The following COMP variants were observed in gnomAD, a reference collection of about 807,000 sequenced individuals.
The protein encoded by COMP is cartilage oligomeric matrix protein (pseudoachondroplasia, epiphyseal dysplasia 1, multiple).
COMP carries 79 observed loss-of-function variants against 95.8 expected under a neutral mutation model. The ratio of observed to expected loss-of-function variants is 0.82; its 90% CI spans 0.69 to 0.99. The LOEUF (loss-of-function observed/expected upper bound fraction) is 0.99, where lower values mean the gene tolerates loss of function less well. Among genes scored for constraint, COMP ranks in the 50% least tolerant of loss-of-function variants. The pLI, the probability that COMP is intolerant of heterozygous loss-of-function variation, is 0.00. For synonymous variants in COMP, 438 were observed against 433.9 expected (o/e 1.01, Z -0.12); for missense variants, 906 against 1,076.1 (o/e 0.84, Z 2.21).
At chr19:18,783,489 G>T (rs1343294042) in intron 17 of COMP, among the ~76,000 whole-genome samples, 1 of 152,188 alleles carries the variant, frequency 6.6e-6, no homozygotes, top group Non-Finnish European at 1.5e-5. Flanking sequence ...CCTGGCCAGG[G>T]TCTCGCTCTG....
In COMP at chr19:18,782,893, C is replaced by T. The variant is rs768596038; in HGVS notation, c.*22G>A. 57 of 1,609,562 alleles carry T rather than the reference C, an allele frequency of 3.5e-5. No individual in the cohort carries two copies. Among genetic ancestry groups the T allele is most frequent in the South Asian group, 6.6e-5 (6 of 91,030 alleles). On this transcript the variant is annotated 3_prime_UTR_variant, in exon 19 of 19. Transcript: ENST00000222271. ...AGCCGCGGTGAGGGTGGCTGTCATC[C>T]GGCGGGTCCTCACCCTGGTCCCTAG...
chr19:18,787,677 A>T, intron 9 of COMP, 27 bp from the exon 10 acceptor site: 1 of 1,612,228 alleles, frequency 6.2e-7, no homozygotes, highest in South Asian at 1.1e-5. Context: ...GTTAAGGGTG[A>T]GATCAGGTCG....
intron 12 of COMP, 39 bp from the exon 13 acceptor site, chr19:18,786,185 C>A: frequency 6.2e-7 from 1 of 1,614,122 alleles, no homozygotes; most frequent in Non-Finnish European, 8.5e-7. Context: ...AATGAGCTCT[C>A]CAGAGCGTTT....
In COMP at chr19:18,789,088, G is replaced by T; in HGVS notation, c.528+72C>A. 1 of 1,559,978 alleles carries T rather than the reference G, an allele frequency of 6.4e-7. No individual in the cohort carries two copies. The highest frequency in any genetic ancestry group is 8.7e-7 in the Non-Finnish European group (1 of 1,154,380). ...CTCCCGCTGGAAGGAGGCTGGAAGAGGAGTTTACTGGTAAACAAAATGGAC... is the reference window on the plus strand; with the variant it reads ...CTCCCGCTGGAAGGAGGCTGGAAGATGAGTTTACTGGTAAACAAAATGGAC... On this transcript the variant is annotated intron_variant, in intron 5 of 18. Transcript: ENST00000222271. The surrounding 1 kb of genome is among the most constrained non-coding windows in gnomAD (Gnocchi z 6.1).
rs141422555 is a variant in COMP, at chr19:18,789,937, C to T, written c.390+5G>A. On this transcript the variant is annotated splice_donor_5th_base_variant and intron_variant, in intron 4 of 18. Coordinates refer to ENST00000222271, the MANE Select transcript of COMP (RefSeq NM_000095.3). The surrounding 1 kb of genome is among the most constrained non-coding windows in gnomAD (Gnocchi z 6.1). ...CAGGGCGGTGGAGTGTCGGGGCTAG[C>T]GCACCTCGTTGACGTCGGTGCAGTG... 1.4e-5 allele frequency: 23 copies of T among 1,592,274 alleles called. No homozygotes were observed. The highest frequency in any genetic ancestry group is 1.8e-5 in the Non-Finnish European group (21 of 1,177,626).
intron 10 of COMP, 95 bp downstream of exon 10, chr19:18,787,396 C>T: frequency 6.4e-7 from 1 of 1,567,886 alleles, no homozygotes; most frequent in East Asian, 2.3e-5. Context: ...TTACCCCATC[C>T]GGCTTCCAAA....
rs751860122 is a variant in COMP, at chr19:18,786,540, G to C, written c.1246C>G (p.Pro416Ala). The C allele has an allele frequency of 6.2e-7, 1 of 1,613,676 alleles. No homozygotes were observed. Among genetic ancestry groups the C allele is most frequent in the African/African-American group, 1.3e-5 (1 of 74,872 alleles). Residue 416 changes from proline to alanine, a missense_variant, in exon 11 of 19, where the codon CCG (proline) becomes GCG (alanine). Pro to Ala is a conservative substitution (Grantham distance 27). Transcript: ENST00000222271. ...GTCTGGCCTGCCCTCACCTGATCCG[G>C]GTTGCTCTTCTGGGGACAGTTGTCA... ...ACDNCPQKSN[P>A]DQADVDHDFV...
At position 18,789,054 on chromosome 19, in the gene COMP, T is replaced by G; in HGVS notation, c.528+106A>C. Reference sequence around the variant, plus strand: ...GCCCTGGCGCAGCGGACCCCTCCTCTCCCCACCCCTCCCGCTGGAAGGAGG... The same window carrying G: ...GCCCTGGCGCAGCGGACCCCTCCTCGCCCCACCCCTCCCGCTGGAAGGAGG... On this transcript the variant is annotated intron_variant, in intron 5 of 18. Coordinates refer to ENST00000222271, the MANE Select transcript of COMP (RefSeq NM_000095.3). This position sits in a 1 kb window ranked among gnomAD's most constrained non-coding sequence, Gnocchi z 6.1. 6.5e-7 allele frequency: 1 copy of G among 1,538,694 alleles called. No individual in the cohort carries two copies. The highest frequency in any genetic ancestry group is 2.3e-5 in the East Asian group (1 of 42,830).
At position 18,789,182 on chromosome 19, in the gene COMP, G is replaced by T; in HGVS notation, c.506C>A (p.Ala169Asp). Residue 169 changes from alanine (A) to aspartate (D), a missense_variant, in exon 5 of 19, where the codon GCT (alanine) becomes GAT (aspartate). Physicochemically the swap from Ala to Asp is moderately radical, Grantham distance 126. Coordinates refer to ENST00000222271, the MANE Select transcript of COMP (RefSeq NM_000095.3). The surrounding 1 kb of genome is among the most constrained non-coding windows in gnomAD (Gnocchi z 6.1). ...CACCTGCTTGTTGGCCTTGGCGAAA[G>T]CCAGCCCCACGCCCTGGTGGGTGGG... ...SGPTHQGVGL[A>D]FAKANKQVCT... 3 of 1,579,232 alleles carry T rather than the reference G, an allele frequency of 1.9e-6. No individual in the cohort carries two copies. Among genetic ancestry groups the T allele is most frequent in the Non-Finnish European group, 2.6e-6 (3 of 1,167,254 alleles).
intron 17 of COMP, among the ~76,000 whole-genome samples, chr19:18,783,758 C>T (rs988431822): frequency 3.9e-5 from 6 of 152,056 alleles, no homozygotes; most frequent in East Asian, 1.9e-4. Flanking sequence ...GACAGGGCCC[C>T]GCCACCACAC....
rs761081987 is a variant in COMP at position 18,783,063 on chromosome 19, G to A, written c.2218C>T (p.Arg740Cys). 8.7e-6 allele frequency: 14 copies of A among 1,612,122 alleles called. No homozygotes were observed. Among genetic ancestry groups the A allele is most frequent in the Admixed American group, 3.3e-5 (2 of 60,008 alleles). The change falls in exon 18 of 19, where the codon CGC (arginine) becomes TGC (cysteine). Residue 740 changes from arginine (R) to cysteine (C), a missense_variant. Coordinates refer to ENST00000222271, the MANE Select transcript of COMP (RefSeq NM_000095.3). ...CTGGCCCTCGGCTCACCATTGCAGC[G>A]GTAACGCAGGTTGGCCCAGATGATG... is the stretch of plus-strand genomic sequence containing the variant. ...ENIIWANLRYRCNDTIPEDYE... is the reference protein window; with the variant it reads ...ENIIWANLRYCCNDTIPEDYE...
At position 18,789,182 on chromosome 19, in the gene COMP, GC is replaced by G; in HGVS notation, c.505del (p.Ala169LeufsTer77). Reference protein sequence around the residue: ...SGPTHQGVGLAFAKANKQVCT... With the variant: ...SGPTHQGVGLXFAKANKQVCT... ...CACCTGCTTGTTGGCCTTGGCGAAA[GC>G]CAGCCCCACGCCCTGGTGGGTGGGG... On this transcript the variant is annotated frameshift_variant, in exon 5 of 19. Coordinates refer to ENST00000222271, the MANE Select transcript of COMP (RefSeq NM_000095.3). LOFTEE classifies it high-confidence loss of function. This position sits in a 1 kb window ranked among gnomAD's most constrained non-coding sequence, Gnocchi z 6.1. 6.3e-7 allele frequency: 1 copy of G among 1,579,230 alleles called. No homozygotes were observed.
chr19:18,786,201 A>G (rs753124522), intron 12 of COMP, 38 bp downstream of exon 12: 1 of 1,614,156 alleles, frequency 6.2e-7, no homozygotes. Context: ...CGTTTTGTCA[A>G]AGGCTACCCG....
At chr19:18,790,791 G>T in intron 2 of COMP, 59 bp downstream of exon 2, 2 of 1,569,080 alleles carry the variant, frequency 1.3e-6, no homozygotes, top group Non-Finnish European at 1.7e-6. Context: ...TCTCCTCGCT[G>T]GGAACTGAGA....
In COMP at chr19:18,788,700, C is replaced by A. The variant is rs749271182; in HGVS notation, c.654G>T (p.Ala218=). The change falls in exon 7 of 19, where the codon GCG becomes GCT. Residue 218 remains alanine, a synonymous_variant. Transcript: ENST00000222271. The surrounding 1 kb of genome is among the most constrained non-coding windows in gnomAD (Gnocchi z 4.7). The stretch of plus-strand genomic sequence containing the variant: ...GCTGTGCGCGCCGCTGGCAGCCGGA[C>A]GCCTGGTCGCCCACGAAGCCGGGCT... The part of the protein sequence containing the change: ...PCQPGFVGDQ[A]SGCQRRAQRF... 1.2e-5 allele frequency: 18 copies of A among 1,540,938 alleles called. No individual in the cohort carries two copies. The highest frequency in any genetic ancestry group is 1.6e-5 in the Non-Finnish European group (18 of 1,144,730).
In COMP at chr19:18,789,782, G is replaced by T. The variant is rs551090689; in HGVS notation, c.390+160C>A. The stretch of plus-strand genomic sequence containing the variant: ...GACGGGGATGGTCCTTGGGTTGGGC[G>T]TCCCCCCGCGGTAAGGAGGTAGTCT... On this transcript the variant is annotated intron_variant, in intron 4 of 18. Transcript: ENST00000222271. The surrounding 1 kb of genome is among the most constrained non-coding windows in gnomAD (Gnocchi z 6.1). 6.6e-6 allele frequency among the ~76,000 whole-genome samples: 1 copy of T among 152,098 alleles called. No homozygotes were observed. Among genetic ancestry groups the T allele is most frequent in the African/African-American group, 2.4e-5 (1 of 41,518 alleles).
Position 18,786,179 on chromosome 19 carries a change from A to G in COMP, c.1308-33T>C, listed in dbSNP as rs1401884173. On this transcript the variant is annotated intron_variant, in intron 12 of 18. Transcript: ENST00000222271. ...GGATAGGTGGGATCCAGAGACAATG[A>G]GCTCTCCAGAGCGTTTTGTCAAAGG... The G allele has an allele frequency of 3.1e-6, 5 of 1,613,964 alleles. No homozygotes were observed. In the African/African-American group the frequency reaches 5.3e-5, roughly 17 times the overall value.
In COMP at chr19:18,788,110, G is replaced by A. The variant is rs1469769058; in HGVS notation, c.975+102C>T. ...GTAGAGGAGGGGTTTCACCATGATG[G>A]CCAGGATGGTCTCCATCTCTTGACC... On this transcript the variant is annotated intron_variant, in intron 9 of 18. Transcript: ENST00000222271. This position sits in a 1 kb window ranked among gnomAD's most constrained non-coding sequence, Gnocchi z 4.7. The A allele has an allele frequency of 2.1e-6, 2 of 944,568 alleles. No individual in the cohort carries two copies. Among genetic ancestry groups the A allele is most frequent in the African/African-American group, 3.2e-5 (2 of 61,872 alleles). The allele number at this position is 944,568 out of a possible 1,614,324, so 58.5% of individuals were successfully genotyped here.
chr19:18,787,377 T>C, intron 10 of COMP, 114 bp downstream of exon 10: 1 of 1,489,992 alleles, frequency 6.7e-7, no homozygotes, highest in Non-Finnish European at 9.2e-7. Flanking sequence ...CAGGGCGCCC[T>C]AGTCCAGCTT....
Sources: gnomAD v4.1 joint callset for allele counts (sites outside exome capture counted in the v4.1 genomes callset) on GRCh38, gnomAD v4.1.1 for gene constraint, Gnocchi (gnomAD v3.1) non-coding constraint, MANE v1.5 for transcripts, NCBI Gene and HGNC (gene_info 2026-07-23, HGNC 2026-07-21) for gene names.